The following HESX1 variants were observed in gnomAD, a reference collection of about 807,000 sequenced individuals.
HESX1 encodes HESX homeobox 1.
Under a neutral mutation model 22.5 loss-of-function variants are expected in HESX1, and 11 were observed. That is an observed-to-expected ratio of 0.49 (90% CI 0.31 to 0.81). The LOEUF (loss-of-function observed/expected upper bound fraction) is 0.81. Among genes scored for constraint, HESX1 ranks in the 30% least tolerant of loss-of-function variants. HESX1 has a pLI of 0.05. For synonymous variants in HESX1, 74 were observed against 76.5 expected, an observed-to-expected ratio of 0.97 and a Z score of 0.17; for missense variants, 201 against 212.6, an observed-to-expected ratio of 0.95 and a Z score of 0.34.
intron 1 of HESX1, among the ~76,000 whole-genome samples, chr3:57,220,360 C>T (rs918747594): frequency 6.6e-6 from 1 of 152,244 alleles, no homozygotes; most frequent in Admixed American, 6.5e-5. Context: ...GTAGTCTTTT[C>T]CCTTTAAATC....
chr3:57,222,463 T>C (rs2060620917), intron 1 of HESX1, among the ~76,000 whole-genome samples: 1 of 151,992 alleles, frequency 6.6e-6, no homozygotes, highest in Non-Finnish European at 1.5e-5. Flanking sequence ...CTCACTATGT[T>C]GCACAGGTTA....
intron 1 of HESX1, among the ~76,000 whole-genome samples, chr3:57,224,506 A>C (rs2060632211): frequency 6.6e-6 from 1 of 152,106 alleles, no homozygotes; most frequent in Non-Finnish European, 1.5e-5. Context: ...TCCATCTTGG[A>C]TAGAGTTTTT....
chr3:57,209,595 C>T (rs553466841), intron 1 of HESX1, among the ~76,000 whole-genome samples: 1 of 149,370 alleles, frequency 6.7e-6, no homozygotes, highest in Admixed American at 6.8e-5. Context: ...TGAGATCACA[C>T]CATTGCACTC....
chr3:57,218,910 T>C (rs1273845889), intron 1 of HESX1, among the ~76,000 whole-genome samples: 2 of 152,244 alleles, frequency 1.3e-5, no homozygotes, highest in African/African-American at 4.8e-5. Context: ...TAGAATGATT[T>C]ATATTCCTTT....
chr3:57,219,924 T>C (rs2060605333), intron 1 of HESX1, among the ~76,000 whole-genome samples: 1 of 152,248 alleles, frequency 6.6e-6, no homozygotes, highest in South Asian at 2.1e-4. Context: ...TAATCCTATG[T>C]CCACAACGGT....
chr3:57,203,693 T>C (rs1490648401), upstream of HESX1, among the ~76,000 whole-genome samples: 2 of 152,142 alleles, frequency 1.3e-5, no homozygotes, highest in Non-Finnish European at 2.9e-5. Context: ...TAGCTGGGAC[T>C]ACAGGTACAT....
rs1315253153 is a variant in HESX1 at position 57,198,100 on chromosome 3, A to C, written c.*97T>G. 5.6e-5 allele frequency: 45 copies of C among 809,206 alleles called. No homozygotes were observed. Among genetic ancestry groups the C allele is most frequent in the Non-Finnish European group, 8.9e-5 (42 of 473,972 alleles). 50.1% of individuals were successfully genotyped at this position (809,206 alleles called of 1,614,324 possible). A position where few individuals can be genotyped will look rare whatever the true frequency, so the allele number is the denominator to read the frequency against. On this transcript the variant is annotated 3_prime_UTR_variant, in exon 4 of 4. Transcript: ENST00000295934. ...GAAAAAATGACAATATTCAGATTAA[A>C]TGCAGGAAAGAAAACATCACATTTT...
At chr3:57,209,416 C>T (rs748520102) in intron 1 of HESX1, among the ~76,000 whole-genome samples, 1 of 151,874 alleles carries the variant, frequency 6.6e-6, no homozygotes. Flanking sequence ...GATGTGGAGG[C>T]GGGGTGGATC....
At chr3:57,217,932 TCTGTG>T (rs1375599973) in intron 1 of HESX1, among the ~76,000 whole-genome samples, 5 of 152,080 alleles carry the variant, frequency 3.3e-5, no homozygotes, top group African/African-American at 1.2e-4. Flanking sequence ...AGGCCACTCC[TCTGTG>T]GGGATGTCCT....
upstream of HESX1, among the ~76,000 whole-genome samples, chr3:57,227,022 AT>A (rs2107590630): frequency 6.6e-6 from 1 of 152,360 alleles, no homozygotes; most frequent in South Asian, 2.1e-4. Flanking sequence ...ACAAATGCCA[AT>A]TAGTTACTAA....
upstream of HESX1, among the ~76,000 whole-genome samples, chr3:57,202,658 G>A (rs768525642): frequency 6.6e-5 from 10 of 152,174 alleles, no homozygotes; most frequent in Non-Finnish European, 1.5e-4. Context: ...CTTTTACAGG[G>A]CACTTAATAT....
upstream of HESX1, among the ~76,000 whole-genome samples, chr3:57,202,687 G>A (rs1368924322): frequency 6.6e-6 from 1 of 152,162 alleles, no homozygotes; most frequent in Non-Finnish European, 1.5e-5. Flanking sequence ...CATTATTATA[G>A]GTGCTAGAGA....
At chr3:57,213,608 G>A (rs910068376) in intron 1 of HESX1, among the ~76,000 whole-genome samples, 1 of 152,206 alleles carries the variant, frequency 6.6e-6, no homozygotes, top group Admixed American at 6.5e-5. Context: ...TGTTCCTGGG[G>A]GATAAATGTT....
intron 1 of HESX1, among the ~76,000 whole-genome samples, chr3:57,210,226 G>A (rs578091445): frequency 6.6e-6 from 1 of 152,082 alleles, no homozygotes; most frequent in Non-Finnish European, 1.5e-5. Context: ...GAATAAAATT[G>A]GACAGTCTAT....
chr3:57,214,128 C>A (rs377747306), intron 1 of HESX1, among the ~76,000 whole-genome samples: 1 of 152,098 alleles, frequency 6.6e-6, no homozygotes, highest in East Asian at 1.9e-4. Context: ...TTAAAAGACA[C>A]TGAAGTATTT....
intron 1 of HESX1, among the ~76,000 whole-genome samples, chr3:57,209,218 T>C (rs1456355561): frequency 6.6e-6 from 1 of 152,208 alleles, no homozygotes; most frequent in Non-Finnish European, 1.5e-5. Flanking sequence ...TAATTAAGTT[T>C]AATTTAATTT....
chr3:57,221,053 C>T (rs944276546), intron 1 of HESX1, among the ~76,000 whole-genome samples: 1 of 152,154 alleles, frequency 6.6e-6, no homozygotes, highest in African/African-American at 2.4e-5. Context: ...CCCCATGGCT[C>T]ATTCCAGCCA....
In HESX1 at chr3:57,197,927, A is replaced by C. The variant is rs1361866012; in HGVS notation, c.*270T>G. Reference sequence around the variant, plus strand: ...TAGTCATGAGTCTATTGATTTTAACAAACTAATTTATTAGATTAATTTGGC... The same window carrying C: ...TAGTCATGAGTCTATTGATTTTAACCAACTAATTTATTAGATTAATTTGGC... On this transcript the variant is annotated 3_prime_UTR_variant, in exon 4 of 4. Coordinates refer to ENST00000295934, the MANE Select transcript of HESX1 (RefSeq NM_003865.3). 1.8e-5 allele frequency: 5 copies of C among 278,758 alleles called. No homozygotes were observed. The highest frequency in any genetic ancestry group is 3.3e-5 in the Non-Finnish European group (5 of 149,774). The allele number at this position is 278,758 out of a possible 1,614,324, so 17.3% of individuals were successfully genotyped here.
At chr3:57,222,162 G>A (rs1336544236) in intron 1 of HESX1, among the ~76,000 whole-genome samples, 5 of 152,086 alleles carry the variant, frequency 3.3e-5, no homozygotes, top group African/African-American at 7.2e-5. Flanking sequence ...AAATAGTACT[G>A]GTATAATCAA....
Sources: gnomAD v4.1 joint callset for allele counts (sites outside exome capture counted in the v4.1 genomes callset) on GRCh38, gnomAD v4.1.1 for gene constraint, MANE v1.5 for transcripts, NCBI Gene and HGNC (gene_info 2026-07-23, HGNC 2026-07-21) for gene names.